Variants in GALNT13 observed in about 807,000 individuals in gnomAD.
GALNT13 encodes UDP-GalNAc:polypeptide N-acetylgalactosaminyltransferase 13.
In GALNT13, 28 loss-of-function variants were observed where a neutral mutation model predicts 64.2. The observed-to-expected ratio is 0.44, with a 90% CI of 0.32 to 0.60. GALNT13 has a LOEUF of 0.60. GALNT13 is among the 20% of genes least tolerant of loss of function. GALNT13 has a pLI of 0.05. For synonymous variants in GALNT13, 214 were observed against 224.6 expected, an observed-to-expected ratio of 0.95 and a Z score of 0.42; for missense variants, 577 against 669.8, an observed-to-expected ratio of 0.86 and a Z score of 1.53.
At chr2:153,208,252 TAAA>T in the GALNT13 span, 3 of 152,138 alleles carry the variant, frequency 2.0e-5, no homozygotes, top group African/African-American at 7.2e-5. Flanking sequence ...ACCACCAAAA[TAAA>T]AAATTATTTC....
At chr2:153,167,621 T>C in the GALNT13 span, among the ~76,000 whole-genome samples, 1 of 152,202 alleles carries the variant, frequency 6.6e-6, no homozygotes, top group Non-Finnish European at 1.5e-5. Flanking sequence ...CACAGATCAT[T>C]CTTCTGTGTC....
At chr2:153,512,456 C>T in the GALNT13 span, among the ~76,000 whole-genome samples, 1 of 152,116 alleles carries the variant, frequency 6.6e-6, no homozygotes, top group South Asian at 2.1e-4. Context: ...TTTGTAAATT[C>T]ATTGACAGCA....
the GALNT13 span, among the ~76,000 whole-genome samples, chr2:153,227,632 G>A: frequency 7.9e-5 from 12 of 152,244 alleles, no homozygotes; most frequent in East Asian, 1.7e-3. Flanking sequence ...GCATCGCAAA[G>A]CCTTCTACTT....
At chr2:153,307,464 T>A in the GALNT13 span, among the ~76,000 whole-genome samples, 1 of 152,126 alleles carries the variant, frequency 6.6e-6, no homozygotes, top group African/African-American at 2.4e-5. Context: ...ATTTACTGGA[T>A]GAACAATTAC....
chr2:153,604,785 A>C, the GALNT13 span, among the ~76,000 whole-genome samples: 3 of 152,062 alleles, frequency 2.0e-5, no homozygotes, highest in African/African-American at 7.2e-5. Flanking sequence ...AAATTTAACC[A>C]ATAGTTTTTC....
At chr2:153,490,737 A>T in the GALNT13 span, among the ~76,000 whole-genome samples, 1 of 152,148 alleles carries the variant, frequency 6.6e-6, no homozygotes, top group East Asian at 1.9e-4. Flanking sequence ...AGGCAGTCAG[A>T]TCACCTGAGG....
chr2:153,637,786 G>A, the GALNT13 span, among the ~76,000 whole-genome samples: 1 of 152,142 alleles, frequency 6.6e-6, no homozygotes, highest in South Asian at 2.1e-4. Flanking sequence ...ATGTAATTAG[G>A]TGCCAACTGA....
chr2:154,013,297 T>G (rs1167739771), intron 3 of GALNT13, among the ~76,000 whole-genome samples: 1 of 102,492 alleles, frequency 9.8e-6, no homozygotes, highest in Non-Finnish European at 2.0e-5. Flanking sequence ...GCTTTGATTA[T>G]GGAAGATTCC....
At chr2:153,589,299 C>G in the GALNT13 span, among the ~76,000 whole-genome samples, 684 of 152,294 alleles carry the variant, frequency 4.5e-3, 12 homozygotes, top group East Asian at 0.059. Flanking sequence ...CAAGTTCTTC[C>G]TCTCCATCTG....
At chr2:153,365,830 G>T in the GALNT13 span, among the ~76,000 whole-genome samples, 2 of 152,188 alleles carry the variant, frequency 1.3e-5, no homozygotes, top group African/African-American at 4.8e-5. Flanking sequence ...GGAAGACAGT[G>T]TGGAGATTCC....
chr2:154,168,657 A>C (rs1364958206), intron 4 of GALNT13, among the ~76,000 whole-genome samples: 2 of 138,406 alleles, frequency 1.4e-5, no homozygotes, highest in East Asian at 4.5e-4. Flanking sequence ...ACATAGTGAA[A>C]CCTCATCTCT....
chr2:154,317,308 A>G (rs1694374533), intron 9 of GALNT13, among the ~76,000 whole-genome samples: 1 of 152,160 alleles, frequency 6.6e-6, no homozygotes, highest in Non-Finnish European at 1.5e-5. Context: ...AGATAAGAAA[A>G]TAGATACAAT....
At chr2:153,344,814 A>G in the GALNT13 span, among the ~76,000 whole-genome samples, 5 of 152,224 alleles carry the variant, frequency 3.3e-5, no homozygotes, top group African/African-American at 1.2e-4. Context: ...CAATTGTGAT[A>G]GTCATTTCAC....
the GALNT13 span, among the ~76,000 whole-genome samples, chr2:153,530,345 A>T: frequency 6.6e-6 from 1 of 152,146 alleles, no homozygotes; most frequent in Non-Finnish European, 1.5e-5. Flanking sequence ...TGAAAACTCT[A>T]AAATATTGAT....
chr2:153,677,284 TACACACACACACACACACACACAC>T, the GALNT13 span, among the ~76,000 whole-genome samples: 11 of 144,666 alleles, frequency 7.6e-5, 1 homozygote, highest in South Asian at 1.8e-3. Context: ...ACAATAGACA[TACACACACACACACACACACACAC>T]ACACACACAC....
the GALNT13 span, among the ~76,000 whole-genome samples, chr2:153,311,379 C>T: frequency 6.6e-6 from 1 of 152,190 alleles, no homozygotes; most frequent in Non-Finnish European, 1.5e-5. Flanking sequence ...CACATTAGAA[C>T]TGCATGTTAA....
At chr2:153,780,260 C>CATATATATATATATATATGCAT in the GALNT13 span, among the ~76,000 whole-genome samples, 138 of 115,196 alleles carry the variant, frequency 1.2e-3, 4 homozygotes, top group Middle Eastern at 5.1e-3. Flanking sequence ...TATATATATG[C>CATATATATATATATATATGCAT]ATATATATAT....
At chr2:153,912,923 G>A (rs1689057739) in intron 2 of GALNT13, among the ~76,000 whole-genome samples, 1 of 152,232 alleles carries the variant, frequency 6.6e-6, no homozygotes, top group South Asian at 2.1e-4. Flanking sequence ...GCATGGCCAA[G>A]TGCACACTTG....
chr2:154,066,548 C>T (rs1445235366), intron 3 of GALNT13, among the ~76,000 whole-genome samples: 1 of 151,910 alleles, frequency 6.6e-6, no homozygotes. Flanking sequence ...TCAGTGGAAA[C>T]CCTACAGGCC....
Sources: allele counts gnomAD v4.1 joint callset (sites outside exome capture counted in the v4.1 genomes callset), GRCh38; gene constraint gnomAD v4.1.1; transcripts MANE v1.5; gene names NCBI Gene and HGNC (gene_info 2026-07-23, HGNC 2026-07-21).